The following OTOGL variants were observed in gnomAD, a reference collection of about 807,000 sequenced individuals.
The protein encoded by OTOGL is otogelin-like protein.
A neutral mutation model predicts 318.5 loss-of-function variants in OTOGL; 285 were observed. The observed-to-expected ratio is 0.89, with a 90% CI of 0.81 to 0.99. OTOGL has a LOEUF of 0.99. Ranked by LOEUF, OTOGL falls within the 50% of genes least tolerant of loss-of-function variation. The pLI, the probability that OTOGL is intolerant of heterozygous loss-of-function variation, is 0.00. For synonymous variants in OTOGL, 987 were observed against 936.5 expected (o/e 1.05, Z -0.99); for missense variants, 2,899 against 2,845.6 (o/e 1.02, Z -0.43).
chr12:80,244,887 T>G (rs865826875), intron 11 of OTOGL, among the ~76,000 whole-genome samples: 2 of 146,498 alleles, frequency 1.4e-5, no homozygotes, highest in African/African-American at 5.4e-5. Context: ...TATCTCATAG[T>G]GGTTTTGATT....
At chr12:80,113,818 T>C (rs1869992628) in intron 1 of OTOGL, among the ~76,000 whole-genome samples, 1 of 152,214 alleles carries the variant, frequency 6.6e-6, no homozygotes, top group Admixed American at 6.5e-5. Flanking sequence ...GGTGCATATA[T>C]ATATTTAGGA....
intron 1 of OTOGL, among the ~76,000 whole-genome samples, chr12:80,194,311 A>G (rs1032259350): frequency 3.9e-5 from 6 of 152,220 alleles, no homozygotes; most frequent in African/African-American, 1.2e-4. Flanking sequence ...GGGATCTCCA[A>G]TAACCCAATA....
In OTOGL at chr12:80,329,070, A is replaced by T; in HGVS notation, c.4299A>T (p.Thr1433=). ...YPRDCIPVIP[T]EPTLMPPAKP... is the part of the protein sequence containing the mutation. ...TTGTAGGTATACCTGTGATTCCCACAGAACCAACATTAATGCCACCAGCTA... is the reference window on the plus strand; with the variant it reads ...TTGTAGGTATACCTGTGATTCCCACTGAACCAACATTAATGCCACCAGCTA... The change falls in exon 37 of 59, where the codon ACA becomes ACT. Residue 1433 remains threonine, a synonymous_variant. Transcript: ENST00000547103. 6.4e-7 allele frequency: 1 copy of T among 1,571,682 alleles called. No homozygotes were observed. Among genetic ancestry groups the T allele is most frequent in the African/African-American group, 1.4e-5 (1 of 72,596 alleles).
At chr12:80,353,597 A>C (rs1391110085) in intron 46 of OTOGL, 87 bp downstream of exon 46, 3 of 1,085,882 alleles carry the variant, frequency 2.8e-6, no homozygotes, top group Non-Finnish European at 3.6e-6. Context: ...GTGCTAACAA[A>C]GGTTTATCAA....
intron 57 of OTOGL, 95 bp from the exon 58 acceptor site, chr12:80,377,028 C>A: frequency 1.4e-6 from 1 of 739,602 alleles, no homozygotes; most frequent in Non-Finnish European, 2.1e-6. Context: ...TATATAAATA[C>A]ACCAATTTTC....
rs551760882 is a variant in OTOGL at position 80,372,555 on chromosome 12, T to C, written c.6781+491T>C. ...TGAGTAAGTATATAGTTTTGTACAATAAATTTGGATAATATTTTAGTAAAT... is the reference window on the plus strand; with the variant it reads ...TGAGTAAGTATATAGTTTTGTACAACAAATTTGGATAATATTTTAGTAAAT... On this transcript the variant is annotated intron_variant, in intron 57 of 58. Coordinates refer to ENST00000547103, the MANE Select transcript of OTOGL (RefSeq NM_001378609.3). Among the ~76,000 whole-genome samples, 6 of 152,254 alleles carry C rather than the reference T, an allele frequency of 3.9e-5. No homozygotes were observed. In the South Asian group the frequency reaches 1.2e-3, roughly 32 times the overall value.
At chr12:80,220,368 A>AAC (rs1429345481) in intron 6 of OTOGL, among the ~76,000 whole-genome samples, 230 of 152,226 alleles carry the variant, frequency 1.5e-3, no homozygotes, top group African/African-American at 4.8e-3. Flanking sequence ...CATGTTGGCC[A>AAC]GGATGCTCTT....
In OTOGL at chr12:80,378,295, A is replaced by G; in HGVS notation, c.*247A>G. ...TTGTTCAGCTGAAATGCTGTTATGT[A>G]TTTAATTACAACTTGGTGCAGATAC... On this transcript the variant is annotated 3_prime_UTR_variant, in exon 59 of 59. Transcript: ENST00000547103. 2.7e-6 allele frequency: 1 copy of G among 373,536 alleles called. No homozygotes were observed. The highest frequency in any genetic ancestry group is 4.8e-5 in the East Asian group (1 of 20,670). The allele number at this position is 373,536 out of a possible 1,614,324, so 23.1% of individuals were successfully genotyped here.
At chr12:80,188,939 G>C (rs554040754) in intron 1 of OTOGL, among the ~76,000 whole-genome samples, 25 of 152,116 alleles carry the variant, frequency 1.6e-4, no homozygotes, top group Admixed American at 9.8e-4. Context: ...CTCCCTTCAG[G>C]TGTCATCCTC....
chr12:80,128,977 C>T (rs1422881211), intron 1 of OTOGL, among the ~76,000 whole-genome samples: 1 of 152,172 alleles, frequency 6.6e-6, no homozygotes, highest in Non-Finnish European at 1.5e-5. Flanking sequence ...TCCCTGACCC[C>T]TTGTGCTTCC....
intron 32 of OTOGL, among the ~76,000 whole-genome samples, chr12:80,316,403 C>T (rs1179162471): frequency 6.6e-6 from 1 of 152,178 alleles, no homozygotes; most frequent in Non-Finnish European, 1.5e-5. Context: ...CTTGTGGACC[C>T]AGAAGCAGAA....
chr12:80,190,191 T>C (rs1875571671), intron 1 of OTOGL, among the ~76,000 whole-genome samples: 1 of 152,226 alleles, frequency 6.6e-6, no homozygotes, highest in South Asian at 2.1e-4. Flanking sequence ...TCACTGATAC[T>C]TGCTGAGTCA....
chr12:80,342,818 G>T (rs1161814064), intron 44 of OTOGL, among the ~76,000 whole-genome samples: 2 of 152,152 alleles, frequency 1.3e-5, no homozygotes, highest in Non-Finnish European at 2.9e-5. Flanking sequence ...ATACATTAAA[G>T]TGTACATTAT....
intron 1 of OTOGL, among the ~76,000 whole-genome samples, chr12:80,134,275 T>C (rs1219532262): frequency 6.6e-6 from 1 of 152,216 alleles, no homozygotes; most frequent in Non-Finnish European, 1.5e-5. Context: ...GAATTCTATT[T>C]CCATTTAGCA....
intron 1 of OTOGL, among the ~76,000 whole-genome samples, chr12:80,134,520 C>T (rs955941743): frequency 1.3e-5 from 2 of 152,216 alleles, no homozygotes; most frequent in African/African-American, 4.8e-5. Flanking sequence ...GTATCCTCCA[C>T]TCACAGTTTT....
At chr12:80,197,767 C>T (rs1432025741) in intron 1 of OTOGL, among the ~76,000 whole-genome samples, 1 of 152,184 alleles carries the variant, frequency 6.6e-6, no homozygotes, top group South Asian at 2.1e-4. Context: ...CCCGCAGAGG[C>T]GTGTGGTGGC....
At chr12:80,150,298 C>G (rs983460201) in intron 1 of OTOGL, among the ~76,000 whole-genome samples, 11 of 152,078 alleles carry the variant, frequency 7.2e-5, no homozygotes, top group Non-Finnish European at 8.8e-5. Context: ...GGTTTTCTTT[C>G]TATGCAGCTA....
intron 33 of OTOGL, among the ~76,000 whole-genome samples, chr12:80,319,446 C>A (rs747960630): frequency 5.3e-5 from 8 of 152,236 alleles, no homozygotes; most frequent in Non-Finnish European, 8.8e-5. Context: ...TCACAATTCT[C>A]CAGTTAGAAT....
At chr12:80,366,674 A>G (rs754169293) in intron 53 of OTOGL, 37 bp downstream of exon 53, 10 of 914,552 alleles carry the variant, frequency 1.1e-5, no homozygotes, top group Non-Finnish European at 1.5e-5. Context: ...ATTATAAATG[A>G]ATATCATTAG....
Sources: gnomAD v4.1 joint callset for allele counts (sites outside exome capture counted in the v4.1 genomes callset) on GRCh38, gnomAD v4.1.1 for gene constraint, MANE v1.5 for transcripts, NCBI Gene and HGNC (gene_info 2026-07-23, HGNC 2026-07-21) for gene names.